ZNF469: variants seen among roughly 807,000 people sequenced by gnomAD.
The protein encoded by ZNF469 is zinc finger protein 469.
Under a neutral mutation model 1.0 loss-of-function variants are expected in ZNF469, and 1 was observed. The ratio of observed to expected loss-of-function variants is 1.00; its 90% CI spans 0.35 to 4.73. The LOEUF (loss-of-function observed/expected upper bound fraction) is 4.73. Among genes scored for constraint, ZNF469 ranks in the 30% most tolerant of loss-of-function variants. The probability of loss-of-function intolerance (pLI) is 0.16; values close to 1 mark genes in which losing one functional copy is unlikely to be tolerated. For missense variants in ZNF469, 6,100 were observed against 5,356.3 expected (o/e 1.14, Z -4.33); for synonymous variants, 2,703 against 2,363.4 (o/e 1.14, Z -4.17).
chr16:88,293,056 T>A, the ZNF469 span, among the ~76,000 whole-genome samples: 1 of 152,200 alleles, frequency 6.6e-6, no homozygotes, highest in Non-Finnish European at 1.5e-5. Context: ...TTCCCTTCTA[T>A]TCTCCTGAAC....
chr16:88,122,411 G>A, the ZNF469 span, among the ~76,000 whole-genome samples: 81 of 151,592 alleles, frequency 5.3e-4, no homozygotes, highest in African/African-American at 1.9e-3. Flanking sequence ...ACTCACTACA[G>A]CCATGGCGGC....
At chr16:88,260,531 C>T in the ZNF469 span, among the ~76,000 whole-genome samples, 1 of 152,202 alleles carries the variant, frequency 6.6e-6, no homozygotes, top group Non-Finnish European at 1.5e-5. The surrounding 1 kb of genome is among the most constrained non-coding windows in gnomAD (Gnocchi z 4.1). Flanking sequence ...GGACGCCGCT[C>T]TCACAAATTT....
At chr16:88,263,257 T>C in the ZNF469 span, among the ~76,000 whole-genome samples, 2 of 152,158 alleles carry the variant, frequency 1.3e-5, no homozygotes, top group African/African-American at 4.8e-5. Flanking sequence ...GTTGGGCCTC[T>C]GGGGTAGAAA....
the ZNF469 span, among the ~76,000 whole-genome samples, chr16:88,144,294 C>G: frequency 6.6e-6 from 1 of 152,198 alleles, no homozygotes; most frequent in Admixed American, 6.5e-5. Flanking sequence ...TCACGTTTAA[C>G]TTCGGGAACC....
the ZNF469 span, among the ~76,000 whole-genome samples, chr16:88,140,373 G>A: frequency 8.0e-4 from 104 of 130,008 alleles, no homozygotes; most frequent in African/African-American, 4.2e-3. Context: ...TAGAAATCGG[G>A]GGGTAGCACG....
the ZNF469 span, among the ~76,000 whole-genome samples, chr16:88,295,561 G>T: frequency 2.6e-5 from 4 of 152,188 alleles, no homozygotes; most frequent in Non-Finnish European, 5.9e-5. Context: ...GAGTTGGGTT[G>T]TGGCCATTCT....
At chr16:88,379,979 C>A (rs1404409699), upstream of ZNF469, among the ~76,000 whole-genome samples, 2 of 152,164 alleles carry the variant, frequency 1.3e-5, no homozygotes, top group Admixed American at 1.3e-4. Flanking sequence ...TGTCATTTCT[C>A]ACGCCCAGGC....
chr16:88,381,290 ACT>A (rs2092524114), upstream of ZNF469, among the ~76,000 whole-genome samples: 1 of 150,082 alleles, frequency 6.7e-6, no homozygotes. Context: ...ACACACACGC[ACT>A]CACACACATG....
the ZNF469 span, among the ~76,000 whole-genome samples, chr16:88,122,193 G>A: frequency 6.8e-6 from 1 of 146,064 alleles, no homozygotes; most frequent in Non-Finnish European, 1.5e-5. Context: ...ATTGCATCCC[G>A]TCACTCAATA....
the ZNF469 span, among the ~76,000 whole-genome samples, chr16:88,329,121 C>T: frequency 2.0e-5 from 3 of 152,136 alleles, no homozygotes; most frequent in Non-Finnish European, 4.4e-5. Flanking sequence ...CAGTGGTATC[C>T]GGGGTCTGTG....
At chr16:88,338,187 C>T in the ZNF469 span, among the ~76,000 whole-genome samples, 7 of 151,952 alleles carry the variant, frequency 4.6e-5, no homozygotes, top group South Asian at 2.1e-4. Context: ...AGAGACCCTC[C>T]GGCGCCTCCA....
the ZNF469 span, among the ~76,000 whole-genome samples, chr16:88,219,322 G>A: frequency 6.9e-6 from 1 of 144,266 alleles, no homozygotes; most frequent in South Asian, 2.4e-4. Flanking sequence ...TCAATCCTAA[G>A]CCAAAAGAAC....
Position 88,439,115 on chromosome 16 carries a change from C to G in ZNF469, c.11645C>G (p.Pro3882Arg), listed in dbSNP as rs376013703. 3 of 1,550,974 alleles carry G rather than the reference C, an allele frequency of 1.9e-6. No homozygotes were observed. Among genetic ancestry groups the G allele is most frequent in the Non-Finnish European group, 2.6e-6 (3 of 1,146,980 alleles). The change falls in exon 3 of 3, where the codon CCG becomes CGG. Residue 3882 changes from proline to arginine, a missense_variant. Pro to Arg is a moderately radical substitution (Grantham distance 103, BLOSUM62 -2). Transcript: ENST00000565624. ...PPPSEQRKAEPGHTQRKDRLG... is the reference protein window; with the variant it reads ...PPPSEQRKAERGHTQRKDRLG... ...CCATCAGAGCAGCGGAAGGCAGAGC[C>G]GGGCCACACACAGAGGAAGGACAGA...
chr16:88,362,445 G>A, the ZNF469 span, among the ~76,000 whole-genome samples: 6 of 152,254 alleles, frequency 3.9e-5, no homozygotes, highest in South Asian at 2.1e-4. Context: ...GTCAGCTGCC[G>A]ATGAAATTCT....
At chr16:88,212,095 T>G in the ZNF469 span, among the ~76,000 whole-genome samples, 25 of 152,250 alleles carry the variant, frequency 1.6e-4, no homozygotes, top group African/African-American at 5.1e-4. Flanking sequence ...TCTTATATAT[T>G]TTGTCCTCTT....
At chr16:88,357,509 C>G in the ZNF469 span, among the ~76,000 whole-genome samples, 1 of 152,158 alleles carries the variant, frequency 6.6e-6, no homozygotes, top group Admixed American at 6.5e-5. Context: ...GTGGCATCAG[C>G]CAGGAAGTAG....
At chr16:88,244,285 A>G in the ZNF469 span, among the ~76,000 whole-genome samples, 1 of 150,488 alleles carries the variant, frequency 6.6e-6, no homozygotes, top group African/African-American at 2.4e-5. Flanking sequence ...GGATGGATGG[A>G]TGAATGACTG....
chr16:88,290,168 G>A, the ZNF469 span, among the ~76,000 whole-genome samples: 906 of 152,358 alleles, frequency 5.9e-3, 7 homozygotes, highest in African/African-American at 0.021. Flanking sequence ...GGCTTAGCAC[G>A]CCAGCAGGAG....
intron 1 of ZNF469, among the ~76,000 whole-genome samples, chr16:88,406,133 C>G (rs1002009385): frequency 6.6e-6 from 1 of 152,224 alleles, no homozygotes; most frequent in African/African-American, 2.4e-5. Flanking sequence ...CAGCCAGGCC[C>G]GACGACCTGC....
Sources: allele counts gnomAD v4.1 joint callset (sites outside exome capture counted in the v4.1 genomes callset), GRCh38; gene constraint gnomAD v4.1.1; non-coding constraint Gnocchi (gnomAD v3.1); transcripts MANE v1.5; gene names NCBI Gene and HGNC (gene_info 2026-07-23, HGNC 2026-07-21).